Variants in SNX2 observed in about 807,000 individuals in gnomAD.
SNX2 encodes sorting nexin 2.
Under a neutral mutation model 69.9 loss-of-function variants are expected in SNX2, and 25 were observed. The observed-to-expected ratio is 0.36, with a 90% CI of 0.26 to 0.50. The LOEUF (loss-of-function observed/expected upper bound fraction) is 0.50, where lower values mean the gene tolerates loss of function less well. Ranked by LOEUF, SNX2 falls within the 20% of genes least tolerant of loss-of-function variation. The pLI is 0.97. For missense variants in SNX2, 551 were observed against 613.3 expected, an observed-to-expected ratio of 0.90 and a Z score of 1.07; for synonymous variants, 229 against 200.4, an observed-to-expected ratio of 1.14 and a Z score of -1.20.
chr5:122,792,356 G>A (rs1753261258), intron 1 of SNX2, among the ~76,000 whole-genome samples: 1 of 152,212 alleles, frequency 6.6e-6, no homozygotes, highest in African/African-American at 2.4e-5. Flanking sequence ...CACTTTGGGA[G>A]GCTGAGGCGG....
chr5:122,808,126 A>G (rs1753694573), intron 6 of SNX2, 151 bp from the exon 7 acceptor site: 2 of 510,852 alleles, frequency 3.9e-6, no homozygotes, highest in East Asian at 6.2e-5. Context: ...TAATTCCTCA[A>G]AACGTTTTTG....
At position 122,827,670 on chromosome 5, in the gene SNX2, T is replaced by TA. The variant is rs761568563; in HGVS notation, c.1509+27dup. 5 of 1,540,322 alleles carry TA rather than the reference T, an allele frequency of 3.2e-6. No homozygotes were observed. The African/African-American group carries it at 6.9e-5, about 21-fold the overall frequency. On this transcript the variant is annotated intron_variant, in intron 14 of 14. Coordinates refer to ENST00000379516, the MANE Select transcript of SNX2 (RefSeq NM_003100.4). ...AGGTAAGCCATTTTTGTTTATAACT[T>TA]AAACTTCTAGAATTTGTTTTTGGTA... is the stretch of plus-strand genomic sequence containing the variant.
At chr5:122,779,663 C>G (rs1752928417) in intron 1 of SNX2, among the ~76,000 whole-genome samples, 2 of 152,166 alleles carry the variant, frequency 1.3e-5, no homozygotes, top group African/African-American at 4.8e-5. Context: ...GTGGTAACTC[C>G]ATGTTTAATC....
intron 2 of SNX2, among the ~76,000 whole-genome samples, chr5:122,799,014 A>T (rs78009761): frequency 0.015 from 2,260 of 152,162 alleles, 22 homozygotes; most frequent in Non-Finnish European, 0.019. Context: ...GATATTTTAC[A>T]TTTTTGTGTG....
At chr5:122,819,051 TTG>T (rs750501092) in intron 11 of SNX2, 28 bp downstream of exon 11, 2 of 1,547,490 alleles carry the variant, frequency 1.3e-6, no homozygotes, top group Non-Finnish European at 1.8e-6. Flanking sequence ...TGCTTCTCAC[TTG>T]TGTCGTGTAC....
At chr5:122,822,367 G>A (rs1263953464) in intron 11 of SNX2, among the ~76,000 whole-genome samples, 1 of 152,196 alleles carries the variant, frequency 6.6e-6, no homozygotes, top group Admixed American at 6.5e-5. Context: ...ACAGGCATGA[G>A]CCACCGCACC....
chr5:122,826,614 C>T, intron 12 of SNX2: 1 of 907,380 alleles, frequency 1.1e-6, no homozygotes, highest in Non-Finnish European at 1.3e-6. Flanking sequence ...AATTTATACA[C>T]TTTTCTTACC....
At chr5:122,783,253 G>GT (rs976649817) in intron 1 of SNX2, among the ~76,000 whole-genome samples, 1 of 152,068 alleles carries the variant, frequency 6.6e-6, no homozygotes, top group African/African-American at 2.4e-5. Context: ...CCAGTGACTT[G>GT]TTTTTTTGTT....
In SNX2 at chr5:122,824,147, AG is replaced by A. The variant is rs199886057; in HGVS notation, c.1213-1902del. Among the ~76,000 whole-genome samples the A allele has an allele frequency of 2.1e-3, 317 of 149,384 alleles. 5 individuals carry two copies. The East Asian group carries it at 0.048, about 22-fold the overall frequency. On this transcript the variant is annotated intron_variant, in intron 11 of 14. Coordinates refer to ENST00000379516, the MANE Select transcript of SNX2 (RefSeq NM_003100.4). ...AACCTGGGAGTTGGAGCTCGCAGTG[AG>A]CTGAGATCGCGCCACTGCACTCCAG...
At chr5:122,827,755 A>G (rs1408825865) in intron 14 of SNX2, 109 bp downstream of exon 14, 1 of 749,846 alleles carries the variant, frequency 1.3e-6, no homozygotes, top group African/African-American at 1.8e-5. Flanking sequence ...AGAATAAGAA[A>G]TGGAAGACAG....
intron 3 of SNX2, among the ~76,000 whole-genome samples, chr5:122,800,678 A>T (rs1753485868): frequency 6.6e-6 from 1 of 152,190 alleles, no homozygotes. Flanking sequence ...GTAAAGGTTT[A>T]TTGAACTGTA....
chr5:122,799,080 ATTTGG>A lies in SNX2; in HGVS notation c.227-607_227-603del, dbSNP rs574706319. On this transcript the variant is annotated intron_variant, in intron 2 of 14. Coordinates refer to ENST00000379516, the MANE Select transcript of SNX2 (RefSeq NM_003100.4). Reference sequence around the variant, plus strand: ...TAGCCTGTAGACATTCAGTTTATTGATTTGGTTTGATTTTTTAAAATTATTAGTAT... The same window carrying A: ...TAGCCTGTAGACATTCAGTTTATTGATTTGATTTTTTAAAATTATTAGTAT... Among the ~76,000 whole-genome samples the A allele has an allele frequency of 1.9e-3, 291 of 152,144 alleles. 1 individual carries two copies. The highest frequency in any genetic ancestry group is 6.7e-3 in the African/African-American group (279 of 41,506).
chr5:122,786,702 G>A (rs1291905410), intron 1 of SNX2, among the ~76,000 whole-genome samples: 1 of 151,876 alleles, frequency 6.6e-6, no homozygotes, highest in Non-Finnish European at 1.5e-5. Flanking sequence ...AAAAAAAATG[G>A]CAAAATGGAT....
chr5:122,808,616 G>A, intron 7 of SNX2: 1 of 262,688 alleles, frequency 3.8e-6, no homozygotes, highest in East Asian at 7.4e-5. Context: ...GCTACAAGCA[G>A]GAGCATATAA....
intron 7 of SNX2, among the ~76,000 whole-genome samples, chr5:122,809,051 T>C (rs1290878409): frequency 1.3e-5 from 2 of 152,112 alleles, no homozygotes; most frequent in East Asian, 3.9e-4. Context: ...CAACTAACTA[T>C]GGATGGAAAA....
Position 122,830,494 on chromosome 5 carries a change from T to C in SNX2, c.*846T>C, listed in dbSNP as rs141008921. Among the ~76,000 whole-genome samples, 646 of 152,346 alleles carry C rather than the reference T, an allele frequency of 4.2e-3. 7 individuals are homozygous for C. Among genetic ancestry groups the C allele is most frequent in the Middle Eastern group, 0.024 (7 of 294 alleles). Reference sequence around the variant, plus strand: ...TACTTTGCATATATTTAATTTATTCTTGTCTTTTGGTTTTTTTTCTTTTAA... The same window carrying C: ...TACTTTGCATATATTTAATTTATTCCTGTCTTTTGGTTTTTTTTCTTTTAA... On this transcript the variant is annotated 3_prime_UTR_variant, in exon 15 of 15. Coordinates refer to ENST00000379516, the MANE Select transcript of SNX2 (RefSeq NM_003100.4).
At chr5:122,793,386 T>G (rs1581629320) in intron 1 of SNX2, among the ~76,000 whole-genome samples, 1 of 152,238 alleles carries the variant, frequency 6.6e-6, no homozygotes, top group East Asian at 1.9e-4. Flanking sequence ...AAGTACCATA[T>G]GGCTCTATTT....
At chr5:122,784,555 AT>A (rs1237036006) in intron 1 of SNX2, among the ~76,000 whole-genome samples, 1 of 151,566 alleles carries the variant, frequency 6.6e-6, no homozygotes, top group Non-Finnish European at 1.5e-5. Context: ...TTTCAAACTG[AT>A]TCAAAAAAGT....
chr5:122,825,673 A>G (rs1455578959), intron 11 of SNX2, among the ~76,000 whole-genome samples: 1 of 151,964 alleles, frequency 6.6e-6, no homozygotes, highest in Non-Finnish European at 1.5e-5. Context: ...ATATGCTTCT[A>G]ATATTATTTA....
Sources: gnomAD v4.1 joint callset for allele counts (sites outside exome capture counted in the v4.1 genomes callset) on GRCh38, gnomAD v4.1.1 for gene constraint, MANE v1.5 for transcripts, NCBI Gene and HGNC (gene_info 2026-07-23, HGNC 2026-07-21) for gene names.